Variants in FOXN4 observed in about 807,000 individuals in gnomAD.
The protein encoded by FOXN4 is forkhead box protein N4.
In FOXN4, 12 loss-of-function variants were observed where a neutral mutation model predicts 45.0. The ratio of observed to expected loss-of-function variants is 0.27; its 90% confidence interval spans 0.17 to 0.43. The LOEUF (loss-of-function observed/expected upper bound fraction) is 0.43. Ranked by LOEUF, FOXN4 falls within the 20% of genes least tolerant of loss-of-function variation. FOXN4 has a pLI of 1.00. For synonymous variants in FOXN4, 297 were observed against 295.0 expected, an observed-to-expected ratio of 1.01 and a Z score of -0.07; for missense variants, 560 against 694.9, an observed-to-expected ratio of 0.81 and a Z score of 2.18.
Position 109,290,247 on chromosome 12 carries a change from G to A in FOXN4, c.126C>T (p.Asp42=), listed in dbSNP as rs1414643490. The A allele has an allele frequency of 1.9e-6, 3 of 1,551,318 alleles. No homozygotes were observed. Among genetic ancestry groups the A allele is most frequent in the Non-Finnish European group, 2.6e-6 (3 of 1,146,840 alleles). Residue 42 remains aspartate (D), a synonymous_variant, in exon 3 of 10, where the codon GAC becomes GAT. Transcript: ENST00000299162. This position sits in a 1 kb window ranked among gnomAD's most constrained non-coding sequence, Gnocchi z 5.1. The part of the protein sequence containing the change: ...ATTSDDDLPG[D]LQSLSWLTAV... ...CCGTGAGCCACGACAGCGACTGCAGGTCCCCGGGAAGGTCATCATCGCTGG... is the reference window on the plus strand; with the variant it reads ...CCGTGAGCCACGACAGCGACTGCAGATCCCCGGGAAGGTCATCATCGCTGG...
At position 109,287,494 on chromosome 12, in the gene FOXN4, A is replaced by G; in HGVS notation, c.499T>C (p.Phe167Leu). 1 of 1,547,668 alleles carries G rather than the reference A, an allele frequency of 6.5e-7. No individual in the cohort carries two copies. The highest frequency in any genetic ancestry group is 8.7e-7 in the Non-Finnish European group (1 of 1,145,218). ...CPPVGLYGPP[F>L]GVRPPYPQPH... ...TGGGGGTAGGGGGGCCGCACCCCAAATGGGGGGCCATAGAGGCCCACAGGA... is the reference window on the plus strand; with the variant it reads ...TGGGGGTAGGGGGGCCGCACCCCAAGTGGGGGGCCATAGAGGCCCACAGGA... Residue 167 changes from phenylalanine (F) to leucine (L), a missense_variant, in exon 6 of 10, where the codon TTT (phenylalanine) becomes CTT (leucine). Physicochemically the swap from Phe to Leu is conservative, Grantham distance 22 (BLOSUM62 0). Transcript: ENST00000299162. The surrounding 1 kb of genome is among the most constrained non-coding windows in gnomAD (Gnocchi z 4.1).
chr12:109,286,532 A>T (rs568199171), intron 7 of FOXN4, 116 bp downstream of exon 7: 2 of 934,728 alleles, frequency 2.1e-6, no homozygotes, highest in Admixed American at 2.2e-5. Flanking sequence ...TAACCACCAG[A>T]TGTACAGACA....
chr12:109,280,363 AAAAG>A (rs1279417118), intron 9 of FOXN4, among the ~76,000 whole-genome samples: 4 of 151,326 alleles, frequency 2.6e-5, no homozygotes, highest in Non-Finnish European at 5.9e-5. Flanking sequence ...AAAAAAAAAA[AAAAG>A]CATGGAAGGG....
intron 2 of FOXN4, among the ~76,000 whole-genome samples, chr12:109,294,014 C>T (rs1194399550): frequency 2.0e-5 from 3 of 152,214 alleles, no homozygotes; most frequent in Non-Finnish European, 2.9e-5. Context: ...AGTCAGAACT[C>T]GAACCCGGGT....
intron 2 of FOXN4, among the ~76,000 whole-genome samples, chr12:109,298,890 C>T (rs1431965629): frequency 3.3e-5 from 5 of 152,150 alleles, no homozygotes. Flanking sequence ...ACTTATCTGC[C>T]CTGGGCCTCA....
rs777092626 is a variant in FOXN4 at position 109,308,337 on chromosome 12, C to T, written c.-3-13G>A. 10 of 1,545,382 alleles carry T rather than the reference C, an allele frequency of 6.5e-6. No individual in the cohort carries two copies. The African/African-American group carries it at 1.4e-4, about 21-fold the overall frequency. On this transcript the variant is annotated splice_polypyrimidine_tract_variant and intron_variant, in intron 1 of 9. Transcript: ENST00000299162. Reference sequence around the variant, plus strand: ...TTTCTATCATCTCCTTGGGAAAAGACAAGCAGAAAACAAAGCTCCCATCAG... The same window carrying T: ...TTTCTATCATCTCCTTGGGAAAAGATAAGCAGAAAACAAAGCTCCCATCAG...
In FOXN4 at chr12:109,288,766, C is replaced by T. The variant is rs1003505010; in HGVS notation, c.233-586G>A. ...CTATCACAGATTCTTACTGCTCTAG[C>T]CTGATTTTAGGCAGCCACCTCCAAT... On this transcript the variant is annotated intron_variant, in intron 3 of 9. Coordinates refer to ENST00000299162, the MANE Select transcript of FOXN4 (RefSeq NM_213596.3). The surrounding 1 kb of genome is among the most constrained non-coding windows in gnomAD (Gnocchi z 4.3). Among the ~76,000 whole-genome samples, 1 of 152,178 alleles carries T rather than the reference C, an allele frequency of 6.6e-6. No individual in the cohort carries two copies. The highest frequency in any genetic ancestry group is 6.5e-5 in the Admixed American group (1 of 15,274).
At chr12:109,304,284 AAAGAAAG>A (rs1349946895) in intron 2 of FOXN4, among the ~76,000 whole-genome samples, 4 of 56,824 alleles carry the variant, frequency 7.0e-5, no homozygotes, top group African/African-American at 2.9e-4. Flanking sequence ...AGAAAGAAAG[AAAGAAAG>A]AAAGGAGAAA....
intron 2 of FOXN4, among the ~76,000 whole-genome samples, chr12:109,307,394 C>T (rs2047930982): frequency 6.6e-6 from 1 of 152,184 alleles, no homozygotes; most frequent in South Asian, 2.1e-4. Flanking sequence ...GAAACGAGGT[C>T]AGGGCTCCCT....
chr12:109,304,290 AGAAAG>A (rs759839983), intron 2 of FOXN4, among the ~76,000 whole-genome samples: 4,982 of 53,534 alleles, frequency 0.093, 459 homozygotes, highest in African/African-American at 0.17. Flanking sequence ...AAAGAAAGAA[AGAAAG>A]GAGAAAGAAA....
At chr12:109,285,274 T>TGCGTGC in intron 8 of FOXN4, 30 bp downstream of exon 8, 1 of 1,539,388 alleles carries the variant, frequency 6.5e-7, no homozygotes, top group Non-Finnish European at 8.8e-7. Context: ...TGTGTGTGTG[T>TGCGTGC]GCGCGCACTG....
chr12:109,290,310 G>A lies in FOXN4; in HGVS notation c.87-24C>T, dbSNP rs1009682100. ...GCCTGCAAAGAGGAACAGAGAACTC[G>A]GGCGGGAGGGGGAGCTTAGGCCAGC... On this transcript the variant is annotated intron_variant, in intron 2 of 9. Transcript: ENST00000299162. The surrounding 1 kb of genome is among the most constrained non-coding windows in gnomAD (Gnocchi z 5.1). 18 of 1,524,604 alleles carry A rather than the reference G, an allele frequency of 1.2e-5. No homozygotes were observed. The highest frequency in any genetic ancestry group is 9.7e-5 in the African/African-American group (7 of 72,444). The allele number at this position is 1,524,604 out of a possible 1,614,324, so 94.4% of individuals were successfully genotyped here. A position where few individuals can be genotyped will look rare whatever the true frequency, so the allele number is the denominator to read the frequency against.
intron 2 of FOXN4, among the ~76,000 whole-genome samples, 194 bp downstream of exon 2, chr12:109,308,042 G>C (rs373584864): frequency 1.4e-4 from 22 of 152,120 alleles, no homozygotes; most frequent in African/African-American, 4.6e-4. Context: ...GCATTTCGTG[G>C]TCCCACTGGG....
rs1191054063 is a variant in FOXN4, at chr12:109,287,726, A to G, written c.468+118T>C. The G allele has an allele frequency of 1.8e-6, 2 of 1,134,038 alleles. No individual in the cohort carries two copies. The highest frequency in any genetic ancestry group is 1.6e-5 in the South Asian group (1 of 62,052). The allele number at this position is 1,134,038 out of a possible 1,614,324, so 70.2% of individuals were successfully genotyped here. A position where few individuals can be genotyped will look rare whatever the true frequency, so the allele number is the denominator to read the frequency against. Reference sequence around the variant, plus strand: ...GAATGAATGACCCCATGACATGAGCATGGAGGGAATGTTATCCCCATGTGC... The same window carrying G: ...GAATGAATGACCCCATGACATGAGCGTGGAGGGAATGTTATCCCCATGTGC... On this transcript the variant is annotated intron_variant, in intron 5 of 9. Transcript: ENST00000299162. The surrounding 1 kb of genome is among the most constrained non-coding windows in gnomAD (Gnocchi z 4.1).
intron 8 of FOXN4, among the ~76,000 whole-genome samples, chr12:109,284,898 G>A (rs7976088): frequency 0.12 from 18,147 of 146,982 alleles, 1,736 homozygotes; most frequent in African/African-American, 0.27. Context: ...GTGTGTATTG[G>A]TCTGTGTGTG....
At chr12:109,296,205 T>C (rs2136936626) in intron 2 of FOXN4, among the ~76,000 whole-genome samples, 1 of 152,280 alleles carries the variant, frequency 6.6e-6, no homozygotes, top group African/African-American at 2.4e-5. Context: ...GTACCTGCAA[T>C]TAACGCATCC....
chr12:109,303,428 ATG>A (rs2047885299), intron 2 of FOXN4, among the ~76,000 whole-genome samples: 1 of 152,198 alleles, frequency 6.6e-6, no homozygotes, highest in African/African-American at 2.4e-5. Flanking sequence ...GTTTCCATGG[ATG>A]TGTTATTTTC....
In FOXN4 at chr12:109,287,319, T is replaced by G; in HGVS notation, c.596+78A>C. The G allele has an allele frequency of 3.0e-5, 46 of 1,517,484 alleles. No homozygotes were observed. The highest frequency in any genetic ancestry group is 3.8e-5 in the Non-Finnish European group (43 of 1,122,466). The allele number at this position is 1,517,484 out of a possible 1,614,324, so 94.0% of individuals were successfully genotyped here. Reference sequence around the variant, plus strand: ...AGTCTGGGCTGCCACACTAGCTGTCTGAGATGCCCTGAGGGCAGCCTCATC... The same window carrying G: ...AGTCTGGGCTGCCACACTAGCTGTCGGAGATGCCCTGAGGGCAGCCTCATC... On this transcript the variant is annotated intron_variant, in intron 6 of 9. Transcript: ENST00000299162. The surrounding 1 kb of genome is among the most constrained non-coding windows in gnomAD (Gnocchi z 4.1).
chr12:109,284,584 C>T (rs1286454535), intron 8 of FOXN4, among the ~76,000 whole-genome samples: 2 of 148,586 alleles, frequency 1.3e-5, no homozygotes, highest in African/African-American at 2.5e-5. Context: ...TGTGTGTGTG[C>T]GCGCTGTGGG....
Sources: allele counts gnomAD v4.1 joint callset (sites outside exome capture counted in the v4.1 genomes callset), GRCh38; gene constraint gnomAD v4.1.1; non-coding constraint Gnocchi (gnomAD v3.1); transcripts MANE v1.5; gene names NCBI Gene and HGNC (gene_info 2026-07-23, HGNC 2026-07-21).